Variants in NMU observed in about 807,000 individuals in gnomAD.
NMU encodes neuromedin-U.
A neutral mutation model predicts 35.4 loss-of-function variants in NMU; 29 were observed. The observed-to-expected ratio is 0.82, with a 90% CI of 0.61 to 1.12. NMU has a LOEUF of 1.12. Among genes scored for constraint, NMU ranks in the 50% most tolerant of loss-of-function variants. The pLI is 0.00. For missense variants in NMU, 199 were observed against 206.2 expected (o/e 0.97, Z 0.21); for synonymous variants, 78 against 81.3 (o/e 0.96, Z 0.22).
At chr4:55,604,637 CG>C (rs200965129) in intron 7 of NMU, among the ~76,000 whole-genome samples, 20,754 of 144,712 alleles carry the variant, frequency 0.14, 1,931 homozygotes, top group South Asian at 0.23. Context: ...CCTCAGTCTC[CG>C]AGTACCTGGG....
intron 9 of NMU, among the ~76,000 whole-genome samples, chr4:55,595,641 A>ATTTTTTT (rs1350425305): frequency 1.6e-5 from 1 of 63,204 alleles, no homozygotes; most frequent in Non-Finnish European, 2.8e-5. Context: ...ATATATATAT[A>ATTTTTTT]TATTTTTTTT....
intron 9 of NMU, among the ~76,000 whole-genome samples, chr4:55,597,391 T>A (rs1733230318): frequency 6.6e-6 from 1 of 151,246 alleles, no homozygotes; most frequent in Non-Finnish European, 1.5e-5. Context: ...ATAGTTTCCT[T>A]TTTTTTTGCT....
At chr4:55,610,709 T>C (rs1312799424) in intron 3 of NMU, among the ~76,000 whole-genome samples, 1 of 152,176 alleles carries the variant, frequency 6.6e-6, no homozygotes, top group African/African-American at 2.4e-5. Context: ...CATATGTACA[T>C]AGTGTTTCAA....
intron 2 of NMU, among the ~76,000 whole-genome samples, chr4:55,616,591 G>C (rs1161426227): frequency 6.6e-6 from 1 of 152,146 alleles, no homozygotes; most frequent in Non-Finnish European, 1.5e-5. Flanking sequence ...CTGACCGCAG[G>C]GTATACGTCT....
chr4:55,596,697 A>T (rs1733193780), intron 9 of NMU, among the ~76,000 whole-genome samples: 1 of 152,160 alleles, frequency 6.6e-6, no homozygotes, highest in South Asian at 2.1e-4. Flanking sequence ...GTTCCTAATT[A>T]TGTCCCATGA....
chr4:55,617,181 G>C (rs1286148663), intron 2 of NMU, among the ~76,000 whole-genome samples: 1 of 152,140 alleles, frequency 6.6e-6, no homozygotes, highest in Admixed American at 6.5e-5. Flanking sequence ...TCAGAGGCCA[G>C]TTTCAGTACC....
At chr4:55,630,801 A>G (rs1055674457) in intron 1 of NMU, among the ~76,000 whole-genome samples, 3 of 152,124 alleles carry the variant, frequency 2.0e-5, no homozygotes, top group Non-Finnish European at 4.4e-5. Context: ...AAACACCAAC[A>G]TCATTTTTTA....
At chr4:55,616,534 A>G (rs1270377598) in intron 2 of NMU, 149 bp from the exon 3 acceptor site, 2 of 694,020 alleles carry the variant, frequency 2.9e-6, no homozygotes, top group African/African-American at 3.6e-5. Flanking sequence ...AGCCTCAAAA[A>G]CTTTATAAGA....
At chr4:55,633,335 G>GA (rs10706337) in intron 1 of NMU, among the ~76,000 whole-genome samples, 47,596 of 121,478 alleles carry the variant, frequency 0.39, 8,418 homozygotes, top group Middle Eastern at 0.5. Context: ...CAACAAAAAA[G>GA]AAAAAAAAAA....
rs901714097 is a variant in NMU at position 55,599,132 on chromosome 4, T to C, written c.*4+10A>G. On this transcript the variant is annotated intron_variant, in intron 9 of 9. Coordinates refer to ENST00000264218, the MANE Select transcript of NMU (RefSeq NM_006681.4). ...TTATTTATTTATTTGTTTATTTATTTCTCACATACCATTTTAAATGAACCC... is the reference window on the plus strand; with the variant it reads ...TTATTTATTTATTTGTTTATTTATTCCTCACATACCATTTTAAATGAACCC... 40 of 1,568,880 alleles carry C rather than the reference T, an allele frequency of 2.5e-5. No homozygotes were observed. Among genetic ancestry groups the C allele is most frequent in the Non-Finnish European group, 3.3e-5 (38 of 1,140,196 alleles).
intron 1 of NMU, among the ~76,000 whole-genome samples, chr4:55,633,086 A>G (rs553583098): frequency 3.0e-4 from 45 of 152,088 alleles, no homozygotes; most frequent in African/African-American, 9.9e-4. Context: ...GCACTTTGAG[A>G]GGCCAAGGCG....
At chr4:55,633,975 C>A (rs1715765017) in intron 1 of NMU, among the ~76,000 whole-genome samples, 1 of 152,194 alleles carries the variant, frequency 6.6e-6, no homozygotes, top group Non-Finnish European at 1.5e-5. Flanking sequence ...ATTGTTTCCA[C>A]CCACTGAATC....
chr4:55,610,812 A>G (rs1733901703), intron 3 of NMU, among the ~76,000 whole-genome samples: 1 of 152,234 alleles, frequency 6.6e-6, no homozygotes, highest in Non-Finnish European at 1.5e-5. Flanking sequence ...AATGATGGTC[A>G]CATAAGATTA....
At chr4:55,599,084 T>G in intron 9 of NMU, 58 bp downstream of exon 9, 1 of 1,132,452 alleles carries the variant, frequency 8.8e-7, no homozygotes, top group Non-Finnish European at 1.3e-6. Flanking sequence ...CAAACTGTGT[T>G]GAACTGTGAA....
rs534895747 is a variant in NMU at position 55,634,677 on chromosome 4, C to G, written c.112+1404G>C. ...TTTTCAAACTATGCTTATCAGCATC[C>G]TTAAGAAGGCAGATAAAGATTACCA... On this transcript the variant is annotated intron_variant, in intron 1 of 9. Coordinates refer to ENST00000264218, the MANE Select transcript of NMU (RefSeq NM_006681.4). Among the ~76,000 whole-genome samples, 4 of 152,266 alleles carry G rather than the reference C, an allele frequency of 2.6e-5. No homozygotes were observed. The East Asian group carries it at 5.8e-4, about 22-fold the overall frequency.
At chr4:55,616,465 C>A in intron 2 of NMU, 80 bp from the exon 3 acceptor site, 1 of 1,053,910 alleles carries the variant, frequency 9.5e-7, no homozygotes, top group Non-Finnish European at 1.5e-6. Context: ...AGTCACATTA[C>A]CTATGGAACA....
intron 3 of NMU, among the ~76,000 whole-genome samples, chr4:55,615,068 G>A (rs987775951): frequency 1.3e-5 from 2 of 152,132 alleles, no homozygotes; most frequent in East Asian, 3.9e-4. Flanking sequence ...TGGGCACCTC[G>A]GCCAAACTAT....
chr4:55,611,717 T>A (rs1733939196), intron 3 of NMU, among the ~76,000 whole-genome samples: 1 of 152,244 alleles, frequency 6.6e-6, no homozygotes, highest in Non-Finnish European at 1.5e-5. Context: ...AGTACAGTAA[T>A]GTGCTGTACA....
chr4:55,606,841 C>T (rs752872105), intron 6 of NMU, among the ~76,000 whole-genome samples: 29 of 151,984 alleles, frequency 1.9e-4, no homozygotes, highest in Non-Finnish European at 3.4e-4. Context: ...CCACACCTGG[C>T]TAATTTTTGT....
Sources: gnomAD v4.1 joint callset for allele counts (sites outside exome capture counted in the v4.1 genomes callset) on GRCh38, gnomAD v4.1.1 for gene constraint, MANE v1.5 for transcripts, NCBI Gene and HGNC (gene_info 2026-07-23, HGNC 2026-07-21) for gene names.